SCFD2: variants seen among roughly 807,000 people sequenced by gnomAD.
SCFD2 encodes sec1 family domain-containing protein 2.
SCFD2 carries 54 observed loss-of-function variants against 58.9 expected under a neutral mutation model. The observed-to-expected ratio is 0.92, with a 90% CI of 0.74 to 1.15. The LOEUF is 1.15. SCFD2 is among the 50% of genes most tolerant of loss of function. The probability of loss-of-function intolerance (pLI) is 0.00; values close to 1 mark genes in which losing one functional copy is unlikely to be tolerated. For missense variants in SCFD2, 805 were observed against 836.6 expected (o/e 0.96, Z 0.47); for synonymous variants, 321 against 335.9 (o/e 0.96, Z 0.49).
At chr4:53,263,117 T>A (rs959906807) in intron 4 of SCFD2, among the ~76,000 whole-genome samples, 3 of 151,852 alleles carry the variant, frequency 2.0e-5, no homozygotes, top group Non-Finnish European at 4.4e-5. Flanking sequence ...TTGTTCTTAT[T>A]TATGCTGTCT....
At chr4:53,246,378 C>T (rs369389824) in intron 4 of SCFD2, among the ~76,000 whole-genome samples, 26 of 152,166 alleles carry the variant, frequency 1.7e-4, no homozygotes, top group African/African-American at 4.8e-4. Context: ...ACGAAAAACC[C>T]GAATAGCCAA....
chr4:53,245,524 T>G (rs993572939), intron 4 of SCFD2, among the ~76,000 whole-genome samples: 3 of 152,174 alleles, frequency 2.0e-5, no homozygotes, highest in African/African-American at 7.2e-5. Context: ...ATCATCTCAA[T>G]AGATGTAGCA....
Position 53,007,385 on chromosome 4 carries a change from A to AGAAGGAAG in SCFD2, c.1562-86523_1562-86516dup, listed in dbSNP as rs1423993421. Among the ~76,000 whole-genome samples the AGAAGGAAG allele has an allele frequency of 3.6e-3, 290 of 79,956 alleles. 6 individuals are homozygous for AGAAGGAAG. Among genetic ancestry groups the AGAAGGAAG allele is most frequent in the African/African-American group, 8.4e-3 (177 of 21,098 alleles). The allele number at this position is 79,956 out of a possible 152,430, so 52.5% of individuals were successfully genotyped here. ...AGAGAGAAAGAAGGAAAGGAAGGAA[A>AGAAGGAAG]GAAGGAAGGAAGGAAGGAAGGGAGG... is the stretch of plus-strand genomic sequence containing the variant. On this transcript the variant is annotated intron_variant, in intron 5 of 8. Coordinates refer to ENST00000401642, the MANE Select transcript of SCFD2 (RefSeq NM_152540.4).
At chr4:52,997,122 C>CA (rs770709299) in intron 5 of SCFD2, among the ~76,000 whole-genome samples, 20 of 152,204 alleles carry the variant, frequency 1.3e-4, no homozygotes, top group Non-Finnish European at 2.6e-4. Flanking sequence ...CTTATTCCCC[C>CA]AGACTGAGGG....
At chr4:52,893,693 G>T (rs145219158) in intron 7 of SCFD2, among the ~76,000 whole-genome samples, 9 of 152,306 alleles carry the variant, frequency 5.9e-5, no homozygotes, top group Non-Finnish European at 7.3e-5. Flanking sequence ...GCCCTTCCCT[G>T]GGAATTCAGG....
intron 4 of SCFD2, among the ~76,000 whole-genome samples, chr4:53,164,788 C>CA (rs767167356): frequency 0.53 from 51,356 of 97,456 alleles, 13,830 homozygotes; most frequent in Non-Finnish European, 0.63. Context: ...TCTGGAGTCT[C>CA]AAAAAAAAAA....
chr4:52,904,260 C>T (rs959563584), intron 7 of SCFD2, among the ~76,000 whole-genome samples: 6 of 152,150 alleles, frequency 3.9e-5, no homozygotes, highest in Admixed American at 6.6e-5. Flanking sequence ...CCCATTTGTA[C>T]GGCAGCACCC....
intron 4 of SCFD2, among the ~76,000 whole-genome samples, chr4:53,222,693 T>C (rs1331977342): frequency 6.6e-6 from 1 of 152,166 alleles, no homozygotes; most frequent in Non-Finnish European, 1.5e-5. Flanking sequence ...CTAGTTCTGG[T>C]TACCATATTT....
intron 5 of SCFD2, among the ~76,000 whole-genome samples, chr4:53,023,790 CT>C (rs1228961770): frequency 6.6e-6 from 1 of 152,142 alleles, no homozygotes; most frequent in Non-Finnish European, 1.5e-5. Flanking sequence ...ACTGCAAGTG[CT>C]AGTCTCAGAG....
At chr4:53,241,972 C>G (rs1342356219) in intron 4 of SCFD2, among the ~76,000 whole-genome samples, 2 of 152,224 alleles carry the variant, frequency 1.3e-5, no homozygotes, top group African/African-American at 4.8e-5. Context: ...GTACCACACC[C>G]CCATGATAAC....
intron 4 of SCFD2, among the ~76,000 whole-genome samples, chr4:53,211,087 C>T (rs1199237687): frequency 2.6e-5 from 4 of 151,984 alleles, no homozygotes; most frequent in Non-Finnish European, 5.9e-5. Flanking sequence ...TACTAAAATA[C>T]AAAAAATTAG....
Position 53,328,211 on chromosome 4 carries a change from T to A in SCFD2, c.1008-14448A>T, listed in dbSNP as rs1347221362. On this transcript the variant is annotated intron_variant, in intron 2 of 8. Coordinates refer to ENST00000401642, the MANE Select transcript of SCFD2 (RefSeq NM_152540.4). Reference sequence around the variant, plus strand: ...ATGTATGTGTGTGTGTGTGTGAGTGTGTGTGTATGTATACAAATTCCTTAG... The same window carrying A: ...ATGTATGTGTGTGTGTGTGTGAGTGAGTGTGTATGTATACAAATTCCTTAG... Among the ~76,000 whole-genome samples the A allele has an allele frequency of 1.2e-4, 18 of 151,982 alleles. No individual in the cohort carries two copies. In the East Asian group the frequency reaches 2.5e-3, roughly 21 times the overall value.
At chr4:52,995,434 G>T (rs1721723094) in intron 5 of SCFD2, among the ~76,000 whole-genome samples, 1 of 152,168 alleles carries the variant, frequency 6.6e-6, no homozygotes. Context: ...GTCAGTCCGT[G>T]GCCCAGGAAT....
intron 4 of SCFD2, among the ~76,000 whole-genome samples, chr4:53,213,484 G>A (rs1309818106): frequency 1.3e-5 from 2 of 152,084 alleles, no homozygotes; most frequent in Non-Finnish European, 2.9e-5. Flanking sequence ...CCTGCTTTCA[G>A]TCATGCTCTG....
chr4:53,351,535 G>A (rs1028259189), intron 2 of SCFD2, among the ~76,000 whole-genome samples: 3 of 151,978 alleles, frequency 2.0e-5, no homozygotes, highest in Admixed American at 2.0e-4. Context: ...ATTTTATGTC[G>A]TTCCTGTTAG....
intron 2 of SCFD2, among the ~76,000 whole-genome samples, chr4:53,350,015 G>A (rs1027240042): frequency 6.6e-6 from 1 of 152,150 alleles, no homozygotes; most frequent in African/African-American, 2.4e-5. Flanking sequence ...GGGACGCTAA[G>A]AGAATCCACC....
intron 4 of SCFD2, chr4:53,273,563 G>T (rs1232412346): frequency 1.8e-5 from 5 of 276,014 alleles, no homozygotes; most frequent in Non-Finnish European, 3.4e-5. Flanking sequence ...AATTGAAAGA[G>T]GTGTCCAGAG....
At chr4:53,240,015 G>A (rs1206406803) in intron 4 of SCFD2, among the ~76,000 whole-genome samples, 1 of 152,108 alleles carries the variant, frequency 6.6e-6, no homozygotes, top group Non-Finnish European at 1.5e-5. Context: ...CAGTCACAAA[G>A]GTATCTGATA....
intron 5 of SCFD2, among the ~76,000 whole-genome samples, chr4:53,129,096 G>A (rs1725714791): frequency 6.6e-6 from 1 of 152,198 alleles, no homozygotes; most frequent in Admixed American, 6.5e-5. Context: ...CATTTTGCAT[G>A]TTGGGAAATG....
Sources: gnomAD v4.1 joint callset for allele counts (sites outside exome capture counted in the v4.1 genomes callset) on GRCh38, gnomAD v4.1.1 for gene constraint, MANE v1.5 for transcripts, NCBI Gene and HGNC (gene_info 2026-07-23, HGNC 2026-07-21) for gene names.